Variants in ANKS1B observed in about 807,000 individuals in gnomAD.
ANKS1B encodes ankyrin repeat and sterile alpha motif domain containing 1B.
ANKS1B carries 36 observed loss-of-function variants against 148.3 expected under a neutral mutation model. That is an observed-to-expected ratio of 0.24 (90% CI 0.19 to 0.32). The LOEUF (loss-of-function observed/expected upper bound fraction) is 0.32. Ranked by LOEUF, ANKS1B falls within the 10% of genes least tolerant of loss-of-function variation. The pLI is 1.00. For missense variants in ANKS1B, 1,157 were observed against 1,542.6 expected (o/e 0.75, Z 4.19); for synonymous variants, 542 against 560.8 (o/e 0.97, Z 0.47).
At chr12:99,608,146 T>C (rs1233082429) in intron 9 of ANKS1B, among the ~76,000 whole-genome samples, 1 of 152,114 alleles carries the variant, frequency 6.6e-6, no homozygotes, top group African/African-American at 2.4e-5. Flanking sequence ...CCTTGTTGCA[T>C]GGGCATTTTC....
At chr12:98,822,494 C>T (rs1003626930) in intron 19 of ANKS1B, among the ~76,000 whole-genome samples, 4 of 152,198 alleles carry the variant, frequency 2.6e-5, no homozygotes, top group Non-Finnish European at 5.9e-5. Flanking sequence ...TGCTCAATGT[C>T]AACAAGCCCA....
At chr12:99,329,800 A>G (rs554767407) in intron 12 of ANKS1B, among the ~76,000 whole-genome samples, 2 of 151,856 alleles carry the variant, frequency 1.3e-5, no homozygotes, top group East Asian at 1.9e-4. Context: ...TCTTACATCA[A>G]TTTCTACCAG....
intron 1 of ANKS1B, among the ~76,000 whole-genome samples, chr12:99,931,124 T>C (rs1293035874): frequency 6.6e-6 from 1 of 151,298 alleles, no homozygotes; most frequent in Non-Finnish European, 1.5e-5. Context: ...TTCTCACTCA[T>C]AGGTGGAATT....
At chr12:99,685,039 C>T (rs2098641773) in intron 8 of ANKS1B, among the ~76,000 whole-genome samples, 1 of 152,036 alleles carries the variant, frequency 6.6e-6, no homozygotes, top group South Asian at 2.1e-4. Flanking sequence ...TGAACAAGAA[C>T]CCAAAAGCAA....
chr12:99,668,767 T>A (rs576498017), intron 8 of ANKS1B, among the ~76,000 whole-genome samples: 2 of 152,192 alleles, frequency 1.3e-5, no homozygotes, highest in East Asian at 3.9e-4. Flanking sequence ...TCCTTCTGAA[T>A]CTCCAATTAC....
intron 15 of ANKS1B, among the ~76,000 whole-genome samples, chr12:99,151,098 C>T (rs529257524): frequency 1.3e-5 from 2 of 152,152 alleles, no homozygotes; most frequent in East Asian, 3.9e-4. Context: ...ACAAACCAAA[C>T]TGAAAATCAA....
At chr12:99,697,276 T>C (rs1238282072) in intron 8 of ANKS1B, among the ~76,000 whole-genome samples, 1 of 152,192 alleles carries the variant, frequency 6.6e-6, no homozygotes, top group Non-Finnish European at 1.5e-5. Flanking sequence ...CAGAAAAATC[T>C]GCACAGGAAT....
chr12:99,386,833 G>T (rs1254601663), intron 12 of ANKS1B, among the ~76,000 whole-genome samples: 1 of 152,086 alleles, frequency 6.6e-6, no homozygotes, highest in Non-Finnish European at 1.5e-5. Context: ...ACGAATGAAA[G>T]GTAGGCTCAT....
chr12:99,716,762 C>T (rs1226444495), intron 8 of ANKS1B, among the ~76,000 whole-genome samples: 2 of 152,248 alleles, frequency 1.3e-5, no homozygotes, highest in African/African-American at 2.4e-5. Flanking sequence ...TTCCCTCCCG[C>T]CTGTCCCCTC....
intron 15 of ANKS1B, among the ~76,000 whole-genome samples, chr12:99,110,198 C>A (rs559075464): frequency 6.6e-6 from 1 of 152,248 alleles, no homozygotes; most frequent in Non-Finnish European, 1.5e-5. Flanking sequence ...TGAGAAACTG[C>A]AAGTCAAGGT....
chr12:99,056,150 A>G (rs2153541170), intron 16 of ANKS1B, among the ~76,000 whole-genome samples: 1 of 152,286 alleles, frequency 6.6e-6, no homozygotes, highest in African/African-American at 2.4e-5. Context: ...GCCTATTCTG[A>G]TGAATGTTGT....
At chr12:99,863,641 G>C (rs1439509225) in intron 1 of ANKS1B, among the ~76,000 whole-genome samples, 2 of 151,956 alleles carry the variant, frequency 1.3e-5, no homozygotes, top group African/African-American at 4.8e-5. Context: ...CTTGAACCCA[G>C]GAGACAGAGG....
intron 1 of ANKS1B, among the ~76,000 whole-genome samples, chr12:99,847,195 T>G (rs1217136830): frequency 6.6e-6 from 1 of 151,322 alleles, no homozygotes; most frequent in South Asian, 2.1e-4. Flanking sequence ...ATTCTCAAAC[T>G]CCTAGGTTCA....
intron 17 of ANKS1B, among the ~76,000 whole-genome samples, chr12:98,871,442 C>A (rs1027855778): frequency 6.6e-6 from 1 of 152,026 alleles, no homozygotes; most frequent in Non-Finnish European, 1.5e-5. Flanking sequence ...CTGCATTTGA[C>A]CAGTGAGGAA....
At chr12:99,020,970 G>A (rs900897353) in intron 17 of ANKS1B, among the ~76,000 whole-genome samples, 1 of 152,126 alleles carries the variant, frequency 6.6e-6, no homozygotes, top group African/African-American at 2.4e-5. Flanking sequence ...ACAGTGGCAT[G>A]TTCAGTGAAT....
chr12:99,183,968 T>C (rs190886758), intron 14 of ANKS1B, among the ~76,000 whole-genome samples: 3 of 152,212 alleles, frequency 2.0e-5, no homozygotes, highest in Admixed American at 2.0e-4. Flanking sequence ...TGCAGTTTCA[T>C]ATAAATCAAA....
At chr12:99,799,793 C>T (rs1186680382) in intron 4 of ANKS1B, among the ~76,000 whole-genome samples, 3 of 151,952 alleles carry the variant, frequency 2.0e-5, no homozygotes, top group Non-Finnish European at 4.4e-5. Flanking sequence ...TAATGTGTTC[C>T]AACAAGAACA....
At chr12:99,668,750 C>A (rs935553890) in intron 8 of ANKS1B, among the ~76,000 whole-genome samples, 10 of 151,570 alleles carry the variant, frequency 6.6e-5, no homozygotes, top group Non-Finnish European at 8.8e-5. Context: ...ATTCCTAACC[C>A]CTCCTCTCCT....
chr12:98,936,683 T>C (rs1000055860), intron 17 of ANKS1B, among the ~76,000 whole-genome samples: 3 of 152,178 alleles, frequency 2.0e-5, no homozygotes, highest in Non-Finnish European at 4.4e-5. Flanking sequence ...TAACTAAGGC[T>C]ATTCTATTCT....
Sources: gnomAD v4.1 joint callset for allele counts (sites outside exome capture counted in the v4.1 genomes callset) on GRCh38, gnomAD v4.1.1 for gene constraint, MANE v1.5 for transcripts, NCBI Gene and HGNC (gene_info 2026-07-23, HGNC 2026-07-21) for gene names.